The following SH3PXD2A variants were observed in gnomAD, a reference collection of about 807,000 sequenced individuals.
SH3PXD2A encodes the protein SH3 and PX domains 2A.
SH3PXD2A carries 32 observed loss-of-function variants against 115.2 expected under a neutral mutation model. The observed-to-expected ratio is 0.28, with a 90% CI of 0.21 to 0.37. The LOEUF (loss-of-function observed/expected upper bound fraction) is 0.37, where lower values mean the gene tolerates loss of function less well. SH3PXD2A is among the 10% of genes least tolerant of loss of function. The pLI, the probability that SH3PXD2A is intolerant of heterozygous loss-of-function variation, is 1.00. For synonymous variants in SH3PXD2A, 610 were observed against 629.1 expected (o/e 0.97, Z 0.45); for missense variants, 1,328 against 1,498.7 (o/e 0.89, Z 1.88).
intron 3 of SH3PXD2A, among the ~76,000 whole-genome samples, 157 bp downstream of exon 3, chr10:103,766,936 AG>A (rs1839812845): frequency 6.6e-6 from 1 of 152,242 alleles, no homozygotes; most frequent in Non-Finnish European, 1.5e-5. Context: ...TGGACTTCAC[AG>A]TCTGGAGCTT....
chr10:103,622,449 G>A, intron 10 of SH3PXD2A, 21 bp downstream of exon 10: 1 of 1,516,964 alleles, frequency 6.6e-7, no homozygotes, highest in Non-Finnish European at 8.9e-7. Flanking sequence ...CGAGGGAGGA[G>A]AAGCCAGCTC....
At chr10:103,662,361 G>GGGGGGAA (rs2037321883) in intron 7 of SH3PXD2A, among the ~76,000 whole-genome samples, 1 of 104,416 alleles carries the variant, frequency 9.6e-6, no homozygotes, top group Non-Finnish European at 1.9e-5. Context: ...GGCGGGGGGG[G>GGGGGGAA]ATAAGACACT....
At position 103,602,398 on chromosome 10, in the gene SH3PXD2A, G is replaced by C; in HGVS notation, c.2820C>G (p.Asn940Lys). ...TGGGGGGCGTGGCCTTCTTGCTCTG[G>C]TTGACGGTGTTCAGTGCTTGGACGC... ...ERRVQALNTV[N>K]QSKKATPPIP... The change falls in exon 15 of 15, where the codon AAC becomes AAG. Residue 940 changes from asparagine to lysine, a missense_variant. Physicochemically the swap from Asn to Lys is moderately conservative, Grantham distance 94. Coordinates refer to ENST00000369774, the MANE Select transcript of SH3PXD2A (RefSeq NM_001394015.1). The C allele has an allele frequency of 8.1e-6, 13 of 1,614,088 alleles. No homozygotes were observed. Among genetic ancestry groups the C allele is most frequent in the Non-Finnish European group, 1.1e-5 (13 of 1,180,018 alleles).
intron 5 of SH3PXD2A, among the ~76,000 whole-genome samples, chr10:103,695,421 T>C (rs2037812989): frequency 6.6e-6 from 1 of 151,604 alleles, no homozygotes; most frequent in African/African-American, 2.4e-5. Flanking sequence ...GGTGGGAGGA[T>C]TGCTTGAAGC....
intron 11 of SH3PXD2A, among the ~76,000 whole-genome samples, chr10:103,613,538 G>A (rs1180586639): frequency 6.6e-5 from 10 of 152,218 alleles, no homozygotes. Context: ...CTACTTCCCA[G>A]TCAGTTGAGG....
intron 1 of SH3PXD2A, among the ~76,000 whole-genome samples, chr10:103,829,445 C>T (rs2134301655): frequency 1.3e-5 from 2 of 152,234 alleles, no homozygotes; most frequent in Middle Eastern, 6.8e-3. Flanking sequence ...GAAGGTAATG[C>T]CACTTTTAAA....
At chr10:103,812,202 A>G (rs2039277664) in intron 1 of SH3PXD2A, among the ~76,000 whole-genome samples, 1 of 152,212 alleles carries the variant, frequency 6.6e-6, no homozygotes, top group African/African-American at 2.4e-5. Context: ...TCAGCTTGGC[A>G]GAGCAAACAA....
chr10:103,782,846 A>G (rs2038944054), intron 2 of SH3PXD2A, among the ~76,000 whole-genome samples: 1 of 151,778 alleles, frequency 6.6e-6, no homozygotes, highest in Non-Finnish European at 1.5e-5. Context: ...AAAAAAAAAA[A>G]AAAGATAATA....
At chr10:103,619,116 C>T (rs2036565036) in intron 10 of SH3PXD2A, among the ~76,000 whole-genome samples, 1 of 152,244 alleles carries the variant, frequency 6.6e-6, no homozygotes, top group African/African-American at 2.4e-5. Context: ...ACTTGGTCAG[C>T]ATCGACTCAG....
intron 4 of SH3PXD2A, among the ~76,000 whole-genome samples, 158 bp from the exon 5 acceptor site, chr10:103,724,519 A>G (rs1260329902): frequency 6.6e-6 from 1 of 152,132 alleles, no homozygotes; most frequent in Non-Finnish European, 1.5e-5. Context: ...CCAGAAAACT[A>G]ATCAACAAAT....
intron 3 of SH3PXD2A, among the ~76,000 whole-genome samples, chr10:103,738,588 G>A (rs368502764): frequency 1.6e-4 from 25 of 152,110 alleles, no homozygotes; most frequent in African/African-American, 6.0e-4. Context: ...CCACAGGAGG[G>A]TGGGGGAGGG....
At chr10:103,738,405 G>C (rs1564877023) in intron 3 of SH3PXD2A, among the ~76,000 whole-genome samples, 1 of 152,226 alleles carries the variant, frequency 6.6e-6, no homozygotes, top group Non-Finnish European at 1.5e-5. Context: ...GGTGACCTGA[G>C]CTCAGGACTG....
intron 2 of SH3PXD2A, among the ~76,000 whole-genome samples, chr10:103,767,715 T>C (rs1167295992): frequency 6.7e-6 from 1 of 148,674 alleles, no homozygotes; most frequent in East Asian, 2.0e-4. Flanking sequence ...AGACCATTCC[T>C]CCACTTCCTA....
At chr10:103,837,035 G>A (rs2039550948) in intron 1 of SH3PXD2A, among the ~76,000 whole-genome samples, 1 of 152,226 alleles carries the variant, frequency 6.6e-6, no homozygotes, top group South Asian at 2.1e-4. Flanking sequence ...TGTTTCCTGA[G>A]GCAAGTCTAC....
At chr10:103,842,296 T>C (rs1167746443) in intron 1 of SH3PXD2A, among the ~76,000 whole-genome samples, 3 of 152,128 alleles carry the variant, frequency 2.0e-5, no homozygotes, top group Admixed American at 2.0e-4. Flanking sequence ...GTTATACAAA[T>C]TTTGGGGGTA....
At chr10:103,847,311 T>C (rs1184764330) in intron 1 of SH3PXD2A, among the ~76,000 whole-genome samples, 3 of 151,868 alleles carry the variant, frequency 2.0e-5, no homozygotes, top group African/African-American at 7.3e-5. Flanking sequence ...TGCCTAGCTT[T>C]TTAGAATTTT....
chr10:103,701,647 A>G (rs1357419824), intron 5 of SH3PXD2A, among the ~76,000 whole-genome samples: 5 of 142,148 alleles, frequency 3.5e-5, no homozygotes, highest in African/African-American at 1.1e-4. Context: ...TCCATCATCT[A>G]TCCATCCATC....
chr10:103,738,403 G>C (rs909847739), intron 3 of SH3PXD2A, among the ~76,000 whole-genome samples: 1 of 152,228 alleles, frequency 6.6e-6, no homozygotes, highest in African/African-American at 2.4e-5. Context: ...GAGGTGACCT[G>C]AGCTCAGGAC....
chr10:103,773,601 G>A (rs568693087), intron 2 of SH3PXD2A, among the ~76,000 whole-genome samples: 4 of 151,444 alleles, frequency 2.6e-5, no homozygotes, highest in East Asian at 3.9e-4. Flanking sequence ...CACCATGCCC[G>A]GCTAATATTT....
Sources: gnomAD v4.1 joint callset for allele counts (sites outside exome capture counted in the v4.1 genomes callset) on GRCh38, gnomAD v4.1.1 for gene constraint, MANE v1.5 for transcripts, NCBI Gene and HGNC (gene_info 2026-07-23, HGNC 2026-07-21) for gene names.